MYBBP1A: variants seen among roughly 807,000 people sequenced by gnomAD.
MYBBP1A encodes MYB binding protein 1a, also known as myb-binding protein 1A.
A neutral mutation model predicts 136.3 loss-of-function variants in MYBBP1A; 147 were observed. That is an observed-to-expected ratio of 1.08 (90% CI 0.94 to 1.24). The LOEUF is 1.24. Among genes scored for constraint, MYBBP1A ranks in the 50% most tolerant of loss-of-function variants. The pLI, the probability that MYBBP1A is intolerant of heterozygous loss-of-function variation, is 0.00. For missense variants in MYBBP1A, 2,060 were observed against 1,727.4 expected (o/e 1.19, Z -3.41); for synonymous variants, 947 against 735.8 (o/e 1.29, Z -4.65).
rs778064420 is a variant in MYBBP1A, at chr17:4,543,062, G to A, written c.2743C>T (p.Pro915Ser). The A allele has an allele frequency of 5.8e-5, 93 of 1,613,246 alleles. No individual in the cohort carries two copies. Among genetic ancestry groups the A allele is most frequent in the Non-Finnish European group, 6.9e-5 (82 of 1,179,968 alleles). ...TGGTAGAGGGCGGTGGGGGAGTCGG[G>A]CTGGCGGCCAGCCTGCTGCACCAAC... ...ERLVQQAGRQ[P>S]DSPTALYHFN... Residue 915 changes from proline to serine, a missense_variant, in exon 20 of 26, where the codon CCC (proline) becomes TCC (serine). Physicochemically the swap from Pro to Ser is moderately conservative, Grantham distance 74. Transcript: ENST00000254718.
intron 8 of MYBBP1A, 108 bp from the exon 9 acceptor site, chr17:4,550,461 C>T (rs967753360): frequency 2.0e-5 from 25 of 1,254,972 alleles, no homozygotes; most frequent in African/African-American, 1.4e-4. Context: ...CCCAACAGCC[C>T]GGGGGCAGGC....
intron 8 of MYBBP1A, 32 bp from the exon 9 acceptor site, chr17:4,550,385 C>A (rs764703569): frequency 6.3e-7 from 1 of 1,585,814 alleles, no homozygotes; most frequent in South Asian, 1.1e-5. Flanking sequence ...CTGAGCCCAC[C>A]AGCCCAGGGG....
intron 22 of MYBBP1A, 58 bp downstream of exon 22, chr17:4,542,406 G>C: frequency 6.5e-7 from 1 of 1,528,082 alleles, no homozygotes; most frequent in Admixed American, 1.9e-5. Context: ...CCAGTCAGAA[G>C]AGGGTTAAGC....
At chr17:4,540,819 C>T (rs1354784186) in intron 24 of MYBBP1A, among the ~76,000 whole-genome samples, 1 of 151,928 alleles carries the variant, frequency 6.6e-6, no homozygotes, top group African/African-American at 2.4e-5. Flanking sequence ...GCTTCCCCAC[C>T]CAACCCTGCC....
At position 4,539,864 on chromosome 17, in the gene MYBBP1A, T is replaced by G. The variant is rs144395137; in HGVS notation, c.3538A>C (p.Lys1180Gln). The change falls in exon 26 of 26, where the codon AAG becomes CAG. Residue 1180 changes from lysine to glutamine, a missense_variant. Transcript: ENST00000254718. ...KKKGFLPETK[K>Q]RKKRKSEDGT... ...TCCTCTGACTTGCGTTTCTTGCGCT[T>G]CTTCGTCTCTGGCAAGAATCCCTTT... 11 of 1,606,178 alleles carry G rather than the reference T, an allele frequency of 6.8e-6. No individual in the cohort carries two copies. Among genetic ancestry groups the G allele is most frequent in the Non-Finnish European group, 8.5e-6 (10 of 1,179,916 alleles).
rs78557985 is a variant in MYBBP1A at position 4,553,821 on chromosome 17, T to C, written c.550A>G (p.Ile184Val). The C allele has an allele frequency of 0.017, 26,765 of 1,613,888 alleles. 347 individuals carry two copies. The highest frequency in any genetic ancestry group is 0.053 in the African/African-American group (3,941 of 75,046). Residue 184 changes from isoleucine (I) to valine (V), a missense_variant, in exon 5 of 26, where the codon ATC becomes GTC. Ile to Val is a conservative substitution (Grantham distance 29, BLOSUM62 3). Transcript: ENST00000254718. ...QEQPRKALVDILSEVSKATLQ... is the reference protein window; with the variant it reads ...QEQPRKALVDVLSEVSKATLQ... ...TGGGGAGCTCATACCTCGGAGAGGA[T>C]GTCCACCAGGGCCTTCCGGGGCTGC...
At chr17:4,540,924 A>AGGCCCCGTCCCGGGCCCCGCCCCG (rs1906355368) in intron 24 of MYBBP1A, among the ~76,000 whole-genome samples, 2 of 151,400 alleles carry the variant, frequency 1.3e-5, no homozygotes, top group East Asian at 4.0e-4. Flanking sequence ...CAGTTTTGTA[A>AGGCCCCGTCCCGGGCCCCGCCCCG]GGCCCCGTCC....
Position 4,545,088 on chromosome 17 carries a change from C to A in MYBBP1A, c.2248G>T (p.Gly750Trp). ...GEESEEEERDGDVDQGFREQL... is the reference protein window; with the variant it reads ...GEESEEEERDWDVDQGFREQL... ...TCCCGGAAGCCCTGATCCACGTCCCCGTCGCGCTCCTCCTCCTCGCTCTCC... is the reference window on the plus strand; with the variant it reads ...TCCCGGAAGCCCTGATCCACGTCCCAGTCGCGCTCCTCCTCCTCGCTCTCC... The change falls in exon 17 of 26, where the codon GGG becomes TGG. Residue 750 changes from glycine to tryptophan, a missense_variant. Transcript: ENST00000254718. The A allele has an allele frequency of 6.3e-7, 1 of 1,585,650 alleles. No homozygotes were observed. The highest frequency in any genetic ancestry group is 8.6e-7 in the Non-Finnish European group (1 of 1,167,002).
Position 4,548,600 on chromosome 17 carries a change from T to G in MYBBP1A, c.1480A>C (p.Ile494Leu), listed in dbSNP as rs765736224. 14 of 1,614,134 alleles carry G rather than the reference T, an allele frequency of 8.7e-6. No homozygotes were observed. The highest frequency in any genetic ancestry group is 1.2e-5 in the Non-Finnish European group (14 of 1,180,016). The change falls in exon 11 of 26, where the codon ATC becomes CTC. Residue 494 changes from isoleucine to leucine, a missense_variant. Coordinates refer to ENST00000254718, the MANE Select transcript of MYBBP1A (RefSeq NM_014520.4). The surrounding 1 kb of genome is among the most constrained non-coding windows in gnomAD (Gnocchi z 4.2). ...FFVTKKPTSQ[I>L]PETKHPFSFP... ...GAGAACGGGTGCTTTGTCTCAGGGA[T>G]CTGGGATGTGGGCTTCTTTGTGACA...
rs753046116 is a variant in MYBBP1A, at chr17:4,550,374, G to A, written c.1024-21C>T. ...GGGAGCTGCAAGAGTTAGGCATGGC[G>A]CTGAGCCCACCAGCCCAGGGGGGCA... On this transcript the variant is annotated intron_variant, in intron 8 of 25. Coordinates refer to ENST00000254718, the MANE Select transcript of MYBBP1A (RefSeq NM_014520.4). The A allele has an allele frequency of 1.7e-5, 27 of 1,595,440 alleles. No homozygotes were observed. The East Asian group carries it at 2.7e-4, about 16-fold the overall frequency.
At chr17:4,551,378 G>A (rs1481542293) in intron 8 of MYBBP1A, among the ~76,000 whole-genome samples, 2 of 152,234 alleles carry the variant, frequency 1.3e-5, no homozygotes, top group Admixed American at 6.5e-5. Flanking sequence ...ATGCCCACAA[G>A]GGGGCCTGCT....
rs1907600101 is a variant in MYBBP1A, at chr17:4,552,362, G to A, written c.738-70C>T. ...GGGCCAGGGTGACAAGAGCAGCCGG[G>A]ACACCCCCAGGCCAAACGACAAATC... On this transcript the variant is annotated intron_variant, in intron 6 of 25. Coordinates refer to ENST00000254718, the MANE Select transcript of MYBBP1A (RefSeq NM_014520.4). This position sits in a 1 kb window ranked among gnomAD's most constrained non-coding sequence, Gnocchi z 4.7. The A allele has an allele frequency of 6.2e-7, 1 of 1,605,082 alleles. No homozygotes were observed. The highest frequency in any genetic ancestry group is 8.5e-7 in the Non-Finnish European group (1 of 1,176,254).
rs554444083 is a variant in MYBBP1A, at chr17:4,552,570, A to G, written c.618T>C (p.Asn206=). The stretch of plus-strand genomic sequence containing the variant: ...GCTGTTCAGGGGAGCTGAGTATTAT[A>G]TTCAAGTCGGCTTTGAGGACCTCCG... ...ILPEVLKADL[N]IILSSPEQLE... Residue 206 remains asparagine, a synonymous_variant, in exon 6 of 26, where the codon AAT becomes AAC. Coordinates refer to ENST00000254718, the MANE Select transcript of MYBBP1A (RefSeq NM_014520.4). This position sits in a 1 kb window ranked among gnomAD's most constrained non-coding sequence, Gnocchi z 4.7. 18 of 1,613,878 alleles carry G rather than the reference A, an allele frequency of 1.1e-5. No homozygotes were observed. Among genetic ancestry groups the G allele is most frequent in the Non-Finnish European group, 1.5e-5 (18 of 1,180,026 alleles).
chr17:4,545,103 C>T lies in MYBBP1A; in HGVS notation c.2233G>A (p.Glu745Lys), dbSNP rs1200426952. The change falls in exon 17 of 26, where the codon GAG becomes AAG. Residue 745 changes from glutamate (E) to lysine (K), a missense_variant. Transcript: ENST00000254718. ...TCCACGTCCCCGTCGCGCTCCTCCTCCTCGCTCTCCTCCCCCTCGCTCTCC... is the reference window on the plus strand; with the variant it reads ...TCCACGTCCCCGTCGCGCTCCTCCTTCTCGCTCTCCTCCCCCTCGCTCTCC... ...EEESEGEESE[E>K]EERDGDVDQG... is the part of the protein sequence containing the mutation. 1 of 1,602,988 alleles carries T rather than the reference C, an allele frequency of 6.2e-7. No homozygotes were observed. The highest frequency in any genetic ancestry group is 8.5e-7 in the Non-Finnish European group (1 of 1,175,088).
chr17:4,549,986 T>C, intron 9 of MYBBP1A, 72 bp downstream of exon 9: 4 of 1,511,936 alleles, frequency 2.6e-6, no homozygotes, highest in Non-Finnish European at 3.6e-6. Flanking sequence ...GAGGGCGGGC[T>C]TGGGTCGCGG....
rs144931892 is a variant in MYBBP1A at position 4,552,578 on chromosome 17, C to T, written c.610G>A (p.Asp204Asn). The change falls in exon 6 of 26, where the codon GAC (aspartate) becomes AAC (asparagine). Residue 204 changes from aspartate (D) to asparagine (N), a missense_variant. Coordinates refer to ENST00000254718, the MANE Select transcript of MYBBP1A (RefSeq NM_014520.4). The surrounding 1 kb of genome is among the most constrained non-coding windows in gnomAD (Gnocchi z 4.7). ...GGGGAGCTGAGTATTATATTCAAGT[C>T]GGCTTTGAGGACCTCCGGCAGGATC... is the stretch of plus-strand genomic sequence containing the variant. ...QEILPEVLKA[D>N]LNIILSSPEQ... The T allele has an allele frequency of 3.3e-5, 53 of 1,613,944 alleles. 1 individual carries two copies. The African/African-American group carries it at 4.9e-4, about 15-fold the overall frequency.
In MYBBP1A at chr17:4,543,099, G is replaced by A. The variant is rs752773023; in HGVS notation, c.2706C>T (p.Ala902=). The A allele has an allele frequency of 1.9e-5, 31 of 1,612,960 alleles. No homozygotes were observed. Among genetic ancestry groups the A allele is most frequent in the Non-Finnish European group, 2.5e-5 (30 of 1,179,836 alleles). ...CCTGCTGCACCAACCGCTCCACCTG[G>A]GCGTGCAGGGCCCCTGCGCGCTCAC... ...DLGERAGALH[A]QVERLVQQAG... Residue 902 remains alanine, a synonymous_variant, in exon 20 of 26, where the codon GCC becomes GCT. Transcript: ENST00000254718.
Position 4,555,136 on chromosome 17 carries a change from G to T in MYBBP1A, c.189C>A (p.Gly63=). Residue 63 remains glycine (G), a synonymous_variant, in exon 1 of 26, where the codon GGC becomes GGA. Transcript: ENST00000254718. ...ATEKLLEYLR[G]RPKGSEMKYA... is the part of the protein sequence containing the mutation. ...GACCCCGCCACTCCACCTTCGGCCT[G>T]CCACGCAGATACTCCAGCAGCTTCT... The T allele has an allele frequency of 6.3e-7, 1 of 1,592,780 alleles. No homozygotes were observed. Among genetic ancestry groups the T allele is most frequent in the Non-Finnish European group, 8.6e-7 (1 of 1,169,494 alleles).
chr17:4,551,451 G>A (rs1480720545), intron 8 of MYBBP1A, among the ~76,000 whole-genome samples: 1 of 152,262 alleles, frequency 6.6e-6, no homozygotes, highest in Non-Finnish European at 1.5e-5. Context: ...GCTCACGTCT[G>A]TAATCCCAGC....
Sources: gnomAD v4.1 joint callset for allele counts (sites outside exome capture counted in the v4.1 genomes callset) on GRCh38, gnomAD v4.1.1 for gene constraint, Gnocchi (gnomAD v3.1) non-coding constraint, MANE v1.5 for transcripts, NCBI Gene and HGNC (gene_info 2026-07-23, HGNC 2026-07-21) for gene names.